The following CCSER2 variants were observed in gnomAD, a reference collection of about 807,000 sequenced individuals.
CCSER2 encodes coiled-coil serine rich protein 2.
In CCSER2, 46 loss-of-function variants were observed where a neutral mutation model predicts 92.3. That is an observed-to-expected ratio of 0.50 (90% CI 0.39 to 0.64). The LOEUF (loss-of-function observed/expected upper bound fraction) is 0.64, where lower values mean the gene tolerates loss of function less well. CCSER2 is among the 30% of genes least tolerant of loss of function. The pLI is 0.00. For synonymous variants in CCSER2, 433 were observed against 431.4 expected, an observed-to-expected ratio of 1.00 and a Z score of -0.04; for missense variants, 1,244 against 1,238.9, an observed-to-expected ratio of 1.00 and a Z score of -0.06.
chr10:84,469,118 A>G (rs1846627452), intron 7 of CCSER2, among the ~76,000 whole-genome samples: 1 of 152,184 alleles, frequency 6.6e-6, no homozygotes, highest in Admixed American at 6.5e-5. Context: ...TCATATTTGC[A>G]TGGATTATCA....
At chr10:84,343,993 T>C (rs575799977) in intron 1 of CCSER2, among the ~76,000 whole-genome samples, 1 of 152,368 alleles carries the variant, frequency 6.6e-6, no homozygotes, top group Non-Finnish European at 1.5e-5. Context: ...GCTCCTGATA[T>C]CAATGTGTCA....
At chr10:84,457,313 A>AT (rs1845751464) in intron 6 of CCSER2, among the ~76,000 whole-genome samples, 1 of 79,708 alleles carries the variant, frequency 1.3e-5, no homozygotes, top group East Asian at 3.4e-4. Context: ...TATGTTATAT[A>AT]TAATATATTA....
intron 4 of CCSER2, among the ~76,000 whole-genome samples, chr10:84,421,675 A>G (rs1185370326): frequency 1.3e-5 from 2 of 152,188 alleles, no homozygotes; most frequent in Middle Eastern, 3.2e-3. Flanking sequence ...GCAGAAAAGT[A>G]TGATACTTTT....
intron 9 of CCSER2, among the ~76,000 whole-genome samples, chr10:84,512,651 A>G (rs1849424754): frequency 6.6e-6 from 1 of 152,174 alleles, no homozygotes; most frequent in African/African-American, 2.4e-5. Flanking sequence ...GAACCTTGTC[A>G]TAGGCTTCTG....
intron 1 of CCSER2, among the ~76,000 whole-genome samples, chr10:84,365,033 C>G (rs533382723): frequency 6.6e-6 from 1 of 151,652 alleles, no homozygotes; most frequent in African/African-American, 2.4e-5. Flanking sequence ...TGAGTCACCA[C>G]GCCCGGCCTG....
intron 1 of CCSER2, among the ~76,000 whole-genome samples, chr10:84,346,222 G>T (rs573557817): frequency 6.6e-6 from 1 of 152,078 alleles, no homozygotes; most frequent in South Asian, 2.1e-4. Flanking sequence ...GCACCACCTC[G>T]CCTGGCTAAT....
chr10:84,436,634 CAAAAAA>C (rs71013322), intron 5 of CCSER2, among the ~76,000 whole-genome samples: 2 of 93,928 alleles, frequency 2.1e-5, no homozygotes, highest in African/African-American at 8.8e-5. Flanking sequence ...GACTCCGTCT[CAAAAAA>C]AAAAAAAAAA....
At chr10:84,455,858 G>A in intron 6 of CCSER2, 1 of 745,500 alleles carries the variant, frequency 1.3e-6, no homozygotes, top group East Asian at 2.6e-5. Context: ...CATTGTAACG[G>A]GAGCAACCAC....
intron 8 of CCSER2, among the ~76,000 whole-genome samples, chr10:84,470,778 G>C (rs1286465678): frequency 2.0e-5 from 3 of 152,026 alleles, no homozygotes; most frequent in Non-Finnish European, 4.4e-5. Context: ...ACAAGTACTT[G>C]TGAGTTGAGA....
At chr10:84,417,647 T>G (rs1281838295) in intron 3 of CCSER2, 124 bp from the exon 4 acceptor site, 2 of 484,246 alleles carry the variant, frequency 4.1e-6, no homozygotes, top group African/African-American at 3.9e-5. Flanking sequence ...TGAAAACCTA[T>G]TTTATTCTTT....
intron 9 of CCSER2, among the ~76,000 whole-genome samples, chr10:84,501,858 T>TAC (rs1554868374): frequency 9.0e-5 from 8 of 88,492 alleles, no homozygotes; most frequent in African/African-American, 1.9e-4. Context: ...TATATATATA[T>TAC]ACTCATATAT....
intron 9 of CCSER2, among the ~76,000 whole-genome samples, chr10:84,510,134 C>CT (rs1849276591): frequency 6.6e-6 from 1 of 152,166 alleles, no homozygotes; most frequent in Admixed American, 6.5e-5. Flanking sequence ...TGGCCCTTAG[C>CT]TATGCTTTTG....
chr10:84,370,874 A>C, intron 1 of CCSER2, 140 bp from the exon 2 acceptor site: 1 of 416,036 alleles, frequency 2.4e-6, no homozygotes, highest in Non-Finnish European at 4.2e-6. Flanking sequence ...TGCATTCGGT[A>C]TTTGCCAGGA....
intron 4 of CCSER2, among the ~76,000 whole-genome samples, chr10:84,419,139 G>A (rs1156260112): frequency 6.6e-6 from 1 of 152,124 alleles, no homozygotes; most frequent in Non-Finnish European, 1.5e-5. Flanking sequence ...TGACAGCAAA[G>A]TCACAATGTT....
At chr10:84,468,517 C>G (rs1054348890) in intron 7 of CCSER2, among the ~76,000 whole-genome samples, 5 of 152,214 alleles carry the variant, frequency 3.3e-5, no homozygotes, top group African/African-American at 1.2e-4. Flanking sequence ...GGAAAAAAAT[C>G]CTTAGAGCAG....
At chr10:84,483,795 T>A (rs1847599567) in intron 9 of CCSER2, among the ~76,000 whole-genome samples, 1 of 147,946 alleles carries the variant, frequency 6.8e-6, no homozygotes, top group Admixed American at 6.7e-5. Flanking sequence ...CTTTTCTTTT[T>A]TTTTTTTTTG....
chr10:84,355,583 A>C (rs117664955), intron 1 of CCSER2, among the ~76,000 whole-genome samples: 5,052 of 152,044 alleles, frequency 0.033, 120 homozygotes, highest in Non-Finnish European at 0.046. Flanking sequence ...TCTCTTGTCT[A>C]CATGTCTTTT....
intron 1 of CCSER2, among the ~76,000 whole-genome samples, chr10:84,345,878 C>T (rs1053305365): frequency 6.6e-6 from 1 of 152,074 alleles, no homozygotes; most frequent in Non-Finnish European, 1.5e-5. Flanking sequence ...TAGGCATTTT[C>T]ACTTGTTTGT....
chr10:84,466,461 A>G (rs1188888425), intron 7 of CCSER2, among the ~76,000 whole-genome samples: 1 of 150,956 alleles, frequency 6.6e-6, no homozygotes, highest in Non-Finnish European at 1.5e-5. Flanking sequence ...CATCCAGTAA[A>G]TATCTTATGC....
Sources: gnomAD v4.1 joint callset for allele counts (sites outside exome capture counted in the v4.1 genomes callset) on GRCh38, gnomAD v4.1.1 for gene constraint, MANE v1.5 for transcripts, NCBI Gene and HGNC (gene_info 2026-07-23, HGNC 2026-07-21) for gene names.